Variants in INSL6 observed in about 807,000 individuals in gnomAD.
The protein encoded by INSL6 is insulin-like peptide INSL6.
A neutral mutation model predicts 9.4 loss-of-function variants in INSL6; 16 were observed. The observed-to-expected ratio is 1.70, with a 90% CI of 1.15 to 2.59. The LOEUF is 2.59. Ranked by LOEUF, INSL6 falls within the 30% of genes most tolerant of loss-of-function variation. The pLI is 0.00. For missense variants in INSL6, 391 were observed against 257.3 expected, an observed-to-expected ratio of 1.52 and a Z score of -3.56; for synonymous variants, 154 against 96.9, an observed-to-expected ratio of 1.59 and a Z score of -3.46.
downstream of INSL6, among the ~76,000 whole-genome samples, chr9:5,163,606 A>G (rs1292738304): frequency 6.7e-6 from 1 of 150,350 alleles, no homozygotes; most frequent in East Asian, 2.0e-4. Flanking sequence ...AGAAGGTTCC[A>G]TAATCCATCT....
chr9:5,172,087 T>C (rs1272641623), intron 1 of INSL6, among the ~76,000 whole-genome samples: 1 of 152,122 alleles, frequency 6.6e-6, no homozygotes, highest in African/African-American at 2.4e-5. Flanking sequence ...CTTCAAACTA[T>C]ACTACAAGGG....
At chr9:5,062,445 T>C in the INSL6 span, among the ~76,000 whole-genome samples, 1 of 140,864 alleles carries the variant, frequency 7.1e-6, no homozygotes, top group African/African-American at 2.8e-5. Context: ...TTGGAAAAAT[T>C]GCACTGATAG....
the INSL6 span, among the ~76,000 whole-genome samples, chr9:5,105,394 A>G: frequency 6.6e-6 from 1 of 152,196 alleles, no homozygotes; most frequent in Non-Finnish European, 1.5e-5. Flanking sequence ...ACTACAAACC[A>G]CTGCTCAATG....
chr9:5,120,539 GA>G (rs1288776276), downstream of INSL6, among the ~76,000 whole-genome samples: 5 of 152,138 alleles, frequency 3.3e-5, no homozygotes, highest in African/African-American at 1.2e-4. Context: ...ATAACTGGGG[GA>G]AAAAGTGCCT....
At chr9:5,073,653 G>A in the INSL6 span, 3 of 1,401,606 alleles carry the variant, frequency 2.1e-6, no homozygotes, top group East Asian at 2.3e-5. Flanking sequence ...ACTATTTATG[G>A]ACAACAGTCA....
Position 5,166,554 on chromosome 9 carries a change from TA to T in INSL6, c.290-2290del, listed in dbSNP as rs538229028. Among the ~76,000 whole-genome samples, 5 of 152,264 alleles carry T rather than the reference TA, an allele frequency of 3.3e-5. No homozygotes were observed. The South Asian group carries it at 1.0e-3, about 32-fold the overall frequency. ...TAAATATTATGAATGCTTACACATT[TA>T]AAAATAAAGATTAAATGGATGAATT... On this transcript the variant is annotated intron_variant, in intron 1 of 1. Transcript: ENST00000381641.
At chr9:5,075,454 C>T in the INSL6 span, among the ~76,000 whole-genome samples, 1 of 152,150 alleles carries the variant, frequency 6.6e-6, no homozygotes, top group Admixed American at 6.5e-5. Flanking sequence ...TTCAAACCAG[C>T]GCTCATTTAC....
the INSL6 span, among the ~76,000 whole-genome samples, chr9:5,095,416 G>C: frequency 6.6e-6 from 1 of 152,062 alleles, no homozygotes; most frequent in Non-Finnish European, 1.5e-5. Context: ...TCTTACACAA[G>C]CAACTGCATC....
chr9:5,042,214 T>C, the INSL6 span, among the ~76,000 whole-genome samples: 10 of 145,820 alleles, frequency 6.9e-5, no homozygotes, highest in Non-Finnish European at 1.3e-4. Context: ...CTCGGCTCAC[T>C]GCAAGCTCCG....
At chr9:5,081,042 C>T in the INSL6 span, among the ~76,000 whole-genome samples, 1 of 151,528 alleles carries the variant, frequency 6.6e-6, no homozygotes, top group African/African-American at 2.4e-5. Flanking sequence ...ACTACAGGCG[C>T]CCGCCACCAC....
the INSL6 span, among the ~76,000 whole-genome samples, chr9:5,009,769 GTTAA>G: frequency 5.3e-5 from 8 of 151,428 alleles, no homozygotes; most frequent in East Asian, 1.6e-3. Context: ...TTTTTCTTCA[GTTAA>G]AATTTTTTTT....
the INSL6 span, among the ~76,000 whole-genome samples, chr9:5,038,993 G>A: frequency 1.3e-5 from 2 of 152,006 alleles, no homozygotes; most frequent in African/African-American, 2.4e-5. Flanking sequence ...AATAGGAATG[G>A]CAAGGAACTT....
intron 3 of INSL6, among the ~76,000 whole-genome samples, chr9:5,125,084 A>AT (rs563590532): frequency 2.0e-5 from 3 of 151,172 alleles, no homozygotes; most frequent in Admixed American, 6.6e-5. Context: ...TCATCATAGA[A>AT]TTTTTTTTAA....
rs753893786 is a variant in INSL6 at position 5,185,305 on chromosome 9, G to C, written c.289+9C>G. On this transcript the variant is annotated intron_variant, in intron 1 of 1. Transcript: ENST00000381641. ...GGTGAACAAACATGCCTTCGGTTTC[G>C]ATTTTTACCTGGGTTTGTGCCTCTT... The C allele has an allele frequency of 4.3e-6, 7 of 1,613,994 alleles. No homozygotes were observed. In the South Asian group the frequency reaches 7.7e-5, roughly 18 times the overall value.
At position 5,185,461 on chromosome 9, in the gene INSL6, C is replaced by T. The variant is rs1427922118; in HGVS notation, c.142G>A (p.Ala48Thr). ...VKEIEKLCGH[A>T]NWSQFRFEEE... is the part of the protein sequence containing the mutation. ...TCGAAACGGAACTGGCTCCAGTTGG[C>T]ATGGCCGCAGAGTTTTTCTATTTCT... The change falls in exon 1 of 2, where the codon GCC (alanine) becomes ACC (threonine). Residue 48 changes from alanine (A) to threonine (T), a missense_variant. Physicochemically the swap from Ala to Thr is moderately conservative, Grantham distance 58. Coordinates refer to ENST00000381641, the MANE Select transcript of INSL6 (RefSeq NM_007179.3). 1 of 1,614,208 alleles carries T rather than the reference C, an allele frequency of 6.2e-7. No homozygotes were observed. Among genetic ancestry groups the T allele is most frequent in the East Asian group, 2.2e-5 (1 of 44,874 alleles).
chr9:5,083,634 T>C, the INSL6 span, among the ~76,000 whole-genome samples: 35,675 of 152,052 alleles, frequency 0.23, 4,580 homozygotes, highest in South Asian at 0.3. Flanking sequence ...AATAGATTAC[T>C]AGGCACACAA....
intron 1 of INSL6, among the ~76,000 whole-genome samples, chr9:5,165,667 T>C (rs553479997): frequency 1.0e-3 from 153 of 152,156 alleles, no homozygotes; most frequent in Non-Finnish European, 1.6e-3. Flanking sequence ...TTGTTCTTTA[T>C]TAAAATATAA....
At chr9:5,106,590 C>G in the INSL6 span, among the ~76,000 whole-genome samples, 5 of 152,186 alleles carry the variant, frequency 3.3e-5, no homozygotes, top group African/African-American at 4.8e-5. Context: ...GCTATAAAGA[C>G]ACATGCCCAT....
the INSL6 span, chr9:5,085,498 C>A: frequency 1.4e-6 from 1 of 720,512 alleles, no homozygotes; most frequent in Non-Finnish European, 2.6e-6. Flanking sequence ...TTCTTTTGAC[C>A]CGAGCTGAAG....
Sources: allele counts gnomAD v4.1 joint callset (sites outside exome capture counted in the v4.1 genomes callset), GRCh38; gene constraint gnomAD v4.1.1; transcripts MANE v1.5; gene names NCBI Gene and HGNC (gene_info 2026-07-23, HGNC 2026-07-21).